LARP1: variants seen among roughly 807,000 people sequenced by gnomAD.
LARP1 encodes La ribonucleoprotein 1, translational regulator.
LARP1 carries 36 observed loss-of-function variants against 122.7 expected under a neutral mutation model. The observed-to-expected ratio is 0.29, with a 90% confidence interval of 0.22 to 0.39. The LOEUF (loss-of-function observed/expected upper bound fraction) is 0.39, where lower values mean the gene tolerates loss of function less well. Ranked by LOEUF, LARP1 falls within the 10% of genes least tolerant of loss-of-function variation. The probability of loss-of-function intolerance (pLI) is 1.00; values close to 1 mark genes in which losing one functional copy is unlikely to be tolerated. For synonymous variants in LARP1, 539 were observed against 528.7 expected (o/e 1.02, Z -0.27); for missense variants, 1,040 against 1,403.6 (o/e 0.74, Z 4.14).
intron 10 of LARP1, among the ~76,000 whole-genome samples, chr5:154,801,572 G>A (rs1017532666): frequency 2.0e-5 from 3 of 152,152 alleles, no homozygotes; most frequent in Admixed American, 6.5e-5. Context: ...CCCCGTCTAG[G>A]TACTGAGTAT....
intron 17 of LARP1, 29 bp downstream of exon 17, chr5:154,811,385 G>T (rs1421188807): frequency 1.2e-6 from 2 of 1,610,814 alleles, no homozygotes; most frequent in African/African-American, 1.3e-5. Flanking sequence ...TCTGAGTGAG[G>T]CCTGGTCATG....
chr5:154,698,971 C>A (rs193148884), intron 1 of LARP1, among the ~76,000 whole-genome samples: 1 of 152,108 alleles, frequency 6.6e-6, no homozygotes, highest in East Asian at 1.9e-4. Flanking sequence ...AGTGCCACTC[C>A]GGAAGAAGAG....
chr5:154,757,583 C>G (rs1441880874), intron 1 of LARP1, among the ~76,000 whole-genome samples: 1 of 152,058 alleles, frequency 6.6e-6, no homozygotes, highest in African/African-American at 2.4e-5. Context: ...TTGAGGCTAA[C>G]TGGTTTAAAC....
chr5:154,738,577 G>A (rs183057687), intron 1 of LARP1, among the ~76,000 whole-genome samples: 1 of 152,242 alleles, frequency 6.6e-6, no homozygotes, highest in East Asian at 1.9e-4. Flanking sequence ...GGGGGACAGA[G>A]CGAGACTCCG....
chr5:154,683,385 C>T (rs1753782415), intron 1 of LARP1, among the ~76,000 whole-genome samples: 1 of 152,152 alleles, frequency 6.6e-6, no homozygotes, highest in Admixed American at 6.5e-5. Flanking sequence ...TAATAGTTGC[C>T]AATACTTAAA....
Position 154,756,189 on chromosome 5 carries a change from C to A in LARP1, c.432C>A (p.Pro144=). 7.7e-7 allele frequency: 1 copy of A among 1,297,630 alleles called. No homozygotes were observed. Among genetic ancestry groups the A allele is most frequent in the Non-Finnish European group, 1.0e-6 (1 of 989,650 alleles). 80.4% of individuals were successfully genotyped at this position (1,297,630 alleles called of 1,614,324 possible). A position where few individuals can be genotyped will look rare whatever the true frequency, so the allele number is the denominator to read the frequency against. ...TGACCACCGTGAACGGACAGTCCCC[C>A]CCAGGTGGGTCTCCCTCCTTGCCCT... ...PVLTTVNGQS[P]PEHSAPAKVV... The change falls in exon 1 of 19, where the codon CCC becomes CCA. Residue 144 remains proline, a synonymous_variant. Coordinates refer to ENST00000518297, the MANE Select transcript of LARP1 (RefSeq NM_033551.3).
intron 1 of LARP1, among the ~76,000 whole-genome samples, chr5:154,697,151 G>A (rs1472465619): frequency 2.0e-5 from 3 of 151,626 alleles, no homozygotes; most frequent in Admixed American, 6.6e-5. Flanking sequence ...CTTGGGGCCC[G>A]CCAGGAATTT....
At chr5:154,756,480 G>A (rs1753919546) in intron 1 of LARP1, 4 of 985,862 alleles carry the variant, frequency 4.1e-6, no homozygotes, top group Non-Finnish European at 4.8e-6. Context: ...TCGGCAGAGG[G>A]TGGGCGCTGG....
chr5:154,731,359 A>C (rs1756556052), intron 1 of LARP1, among the ~76,000 whole-genome samples: 1 of 152,216 alleles, frequency 6.6e-6, no homozygotes, highest in African/African-American at 2.4e-5. Context: ...GAAACATTTA[A>C]TCCTATTGAT....
intron 1 of LARP1, among the ~76,000 whole-genome samples, chr5:154,724,707 C>T (rs1308725310): frequency 1.3e-5 from 2 of 151,656 alleles, no homozygotes; most frequent in African/African-American, 4.8e-5. Flanking sequence ...ACTCTCTCAC[C>T]CAGGCTGGAG....
Position 154,802,663 on chromosome 5 carries a change from G to A in LARP1, c.2109+264G>A, listed in dbSNP as rs900322123. Among the ~76,000 whole-genome samples, 23 of 152,146 alleles carry A rather than the reference G, an allele frequency of 1.5e-4. No homozygotes were observed. The highest frequency in any genetic ancestry group is 5.3e-4 in the African/African-American group (22 of 41,436). On this transcript the variant is annotated intron_variant, in intron 11 of 18. Coordinates refer to ENST00000518297, the MANE Select transcript of LARP1 (RefSeq NM_033551.3). The surrounding 1 kb of genome is among the most constrained non-coding windows in gnomAD (Gnocchi z 5.1). The stretch of plus-strand genomic sequence containing the variant: ...ATCCATAGTTAATATTCTGACAGTT[G>A]GCTAGACACTTTTGTGGGGAACAGA...
At chr5:154,714,435 T>G (rs1163739415) in intron 1 of LARP1, among the ~76,000 whole-genome samples, 1 of 152,234 alleles carries the variant, frequency 6.6e-6, no homozygotes, top group Non-Finnish European at 1.5e-5. Context: ...AATAGCTCAC[T>G]GAGTCATGGT....
At chr5:154,807,619 T>C (rs919273541) in intron 15 of LARP1, among the ~76,000 whole-genome samples, 11 of 152,216 alleles carry the variant, frequency 7.2e-5, no homozygotes, top group African/African-American at 2.7e-4. Flanking sequence ...GACTTAATTA[T>C]AGCCCACTGC....
In LARP1 at chr5:154,794,240, A is replaced by G; in HGVS notation, c.1210A>G (p.Lys404Glu). 1 of 1,614,118 alleles carries G rather than the reference A, an allele frequency of 6.2e-7. No homozygotes were observed. The highest frequency in any genetic ancestry group is 1.1e-5 in the South Asian group (1 of 91,072). Residue 404 changes from lysine (K) to glutamate (E), a missense_variant, in exon 7 of 19, where the codon AAA becomes GAA. Lys to Glu is a moderately conservative substitution (Grantham distance 56, BLOSUM62 1). Coordinates refer to ENST00000518297, the MANE Select transcript of LARP1 (RefSeq NM_033551.3). ...ELYSVDQELLKDYIKRQIEYY... is the reference protein window; with the variant it reads ...ELYSVDQELLEDYIKRQIEYY... ...TTACAGTGTGGATCAGGAACTGCTC[A>G]AAGACTACATCAAGCGCCAGATGTG...
intron 1 of LARP1, among the ~76,000 whole-genome samples, chr5:154,726,948 G>A (rs967005111): frequency 1.4e-4 from 22 of 152,180 alleles, no homozygotes; most frequent in African/African-American, 5.1e-4. Context: ...GAACAGCATG[G>A]GGGAAACCGC....
At chr5:154,786,372 G>A in intron 1 of LARP1, 1 of 436,060 alleles carries the variant, frequency 2.3e-6, no homozygotes, top group Non-Finnish European at 4.6e-6. Flanking sequence ...AGGCTTGTGT[G>A]TATTTAAGAA....
intron 1 of LARP1, among the ~76,000 whole-genome samples, chr5:154,788,536 G>C (rs1757069081): frequency 6.6e-6 from 1 of 152,148 alleles, no homozygotes; most frequent in Non-Finnish European, 1.5e-5. Context: ...TGCTGCTCGG[G>C]GTTTGGGGGC....
chr5:154,793,993 C>T lies in LARP1; in HGVS notation c.1062C>T (p.Gly354=). 6.2e-7 allele frequency: 1 copy of T among 1,609,972 alleles called. No homozygotes were observed. The highest frequency in any genetic ancestry group is 8.5e-7 in the Non-Finnish European group (1 of 1,177,310). The change falls in exon 6 of 19, where the codon GGC becomes GGT. Residue 354 remains glycine (G), a synonymous_variant. Transcript: ENST00000518297. ...RGRGRGRGRG[G]TRTHFDYQFG... ...GCGGCCGGGGACGCGGCCGGGGTGG[C>T]ACTCGAAGTACGTGAGGCCCCTTTG...
chr5:154,767,700 A>G (rs1445894196), intron 1 of LARP1, among the ~76,000 whole-genome samples: 2 of 152,198 alleles, frequency 1.3e-5, no homozygotes, highest in African/African-American at 4.8e-5. Flanking sequence ...TTGTTTGAAG[A>G]AGCAGAGCTC....
Sources: allele counts gnomAD v4.1 joint callset (sites outside exome capture counted in the v4.1 genomes callset), GRCh38; gene constraint gnomAD v4.1.1; non-coding constraint Gnocchi (gnomAD v3.1); transcripts MANE v1.5; gene names NCBI Gene and HGNC (gene_info 2026-07-23, HGNC 2026-07-21).